HEATR5B: variants seen among roughly 807,000 people sequenced by gnomAD.
HEATR5B encodes the protein HEAT repeat-containing protein 5B.
HEATR5B carries 156 observed loss-of-function variants against 224.1 expected under a neutral mutation model. The ratio of observed to expected loss-of-function variants is 0.70; its 90% CI spans 0.61 to 0.80. The LOEUF (loss-of-function observed/expected upper bound fraction) is 0.80, where lower values mean the gene tolerates loss of function less well. Ranked by LOEUF, HEATR5B falls within the 30% of genes least tolerant of loss-of-function variation. The probability of loss-of-function intolerance (pLI) is 0.00; values close to 1 mark genes in which losing one functional copy is unlikely to be tolerated. For missense variants in HEATR5B, 2,323 were observed against 2,535.5 expected (o/e 0.92, Z 1.80); for synonymous variants, 1,027 against 893.0 (o/e 1.15, Z -2.68).
chr2:37,032,480 T>C (rs557064719), intron 22 of HEATR5B, 149 bp downstream of exon 22: 87 of 795,852 alleles, frequency 1.1e-4, no homozygotes, highest in African/African-American at 9.3e-4. Context: ...GAAAACCACA[T>C]TGGAATTTTA....
At chr2:37,048,186 T>C (rs144148317) in intron 18 of HEATR5B, among the ~76,000 whole-genome samples, 2 of 151,426 alleles carry the variant, frequency 1.3e-5, no homozygotes, top group African/African-American at 2.4e-5. Flanking sequence ...TGAGGACACA[T>C]TGTTTTTTTT....
intron 33 of HEATR5B, among the ~76,000 whole-genome samples, chr2:36,997,145 T>G (rs1666773904): frequency 6.6e-6 from 1 of 152,170 alleles, no homozygotes; most frequent in Non-Finnish European, 1.5e-5. Context: ...TCATCTACCA[T>G]TTAATGTAAG....
At chr2:36,998,587 G>A (rs1347773504) in intron 33 of HEATR5B, among the ~76,000 whole-genome samples, 3 of 152,146 alleles carry the variant, frequency 2.0e-5, no homozygotes, top group Non-Finnish European at 4.4e-5. Flanking sequence ...TTGTAAGGAT[G>A]TTAATTGCAG....
chr2:37,078,200 A>G (rs1230751606), intron 3 of HEATR5B, among the ~76,000 whole-genome samples: 1 of 152,232 alleles, frequency 6.6e-6, no homozygotes, highest in Non-Finnish European at 1.5e-5. Context: ...ATGTGATCTG[A>G]GCAATTTACA....
chr2:37,082,719 T>A (rs1672671186), intron 2 of HEATR5B, among the ~76,000 whole-genome samples: 2 of 152,252 alleles, frequency 1.3e-5, no homozygotes, highest in Non-Finnish European at 2.9e-5. Context: ...AGAAACAATG[T>A]TAATGGCTGG....
intron 26 of HEATR5B, among the ~76,000 whole-genome samples, chr2:37,016,716 G>A (rs1668140028): frequency 1.3e-5 from 2 of 152,148 alleles, no homozygotes; most frequent in Admixed American, 1.3e-4. Context: ...CACAGCATTT[G>A]GATTTCAAAT....
intron 24 of HEATR5B, among the ~76,000 whole-genome samples, chr2:37,025,408 T>C (rs935896953): frequency 5.3e-5 from 8 of 151,518 alleles, no homozygotes; most frequent in African/African-American, 1.9e-4. Flanking sequence ...AGAACGATTC[T>C]GAAGATTCAG....
chr2:37,054,192 G>GTTTTTTT, intron 16 of HEATR5B, among the ~76,000 whole-genome samples: 1 of 30,218 alleles, frequency 3.3e-5, no homozygotes, highest in Non-Finnish European at 6.8e-5. Context: ...TGATTTCTCT[G>GTTTTTTT]TTTTTTTTTT....
Position 37,054,190 on chromosome 2 carries a change from C to CTTTTTTTTTTTT in HEATR5B, c.2400-584_2400-583insAAAAAAAAAAAA, listed in dbSNP as rs1242821499. On this transcript the variant is annotated intron_variant, in intron 16 of 35. Transcript: ENST00000233099. ...TCCATGGCCATCTTAGATGATTTCT[C>CTTTTTTTTTTTT]TGTTTTTTTTTTTTTTTTTTTGAGA... Among the ~76,000 whole-genome samples the CTTTTTTTTTTTT allele has an allele frequency of 3.2e-5, 3 of 93,742 alleles. 1 individual carries two copies. Among genetic ancestry groups the CTTTTTTTTTTTT allele is most frequent in the African/African-American group, 9.2e-5 (2 of 21,696 alleles). 61.5% of individuals were successfully genotyped at this position (93,742 alleles called of 152,430 possible). A position where few individuals can be genotyped will look rare whatever the true frequency, so the allele number is the denominator to read the frequency against.
At chr2:37,063,499 T>C (rs1671408046) in intron 10 of HEATR5B, among the ~76,000 whole-genome samples, 2 of 152,092 alleles carry the variant, frequency 1.3e-5, no homozygotes, top group Admixed American at 6.5e-5. Flanking sequence ...TGGGCAAATG[T>C]AAAATATGAA....
chr2:37,064,912 C>A lies in HEATR5B; in HGVS notation c.1412G>T (p.Cys471Phe). 1.2e-6 allele frequency: 2 copies of A among 1,614,168 alleles called. No homozygotes were observed. The highest frequency in any genetic ancestry group is 1.7e-6 in the Non-Finnish European group (2 of 1,180,016). The change falls in exon 10 of 36, where the codon TGT becomes TTT. Residue 471 changes from cysteine to phenylalanine, a missense_variant. Cys to Phe is a radical substitution (Grantham distance 205). Coordinates refer to ENST00000233099, the MANE Select transcript of HEATR5B (RefSeq NM_019024.3). Reference sequence around the variant, plus strand: ...CTGGAAAGGTAATGCCACAGCCACACAGCGCAAACACCATGCAGCAGCAAG... The same window carrying A: ...CTGGAAAGGTAATGCCACAGCCACAAAGCGCAAACACCATGCAGCAGCAAG... ...ARLAAAWCLR[C>F]VAVALPFQLT...
intron 31 of HEATR5B, among the ~76,000 whole-genome samples, 188 bp from the exon 32 acceptor site, chr2:37,002,760 C>T (rs1337461470): frequency 1.3e-5 from 2 of 152,180 alleles, no homozygotes; most frequent in African/African-American, 4.8e-5. Context: ...AGGTAACAGA[C>T]AGTTCATTTT....
At chr2:37,012,539 C>T (rs1162560589) in intron 27 of HEATR5B, among the ~76,000 whole-genome samples, 1 of 152,168 alleles carries the variant, frequency 6.6e-6, no homozygotes, top group Admixed American at 6.5e-5. Context: ...TACAGGCATG[C>T]ACCACCATGC....
At chr2:36,983,775 ATAAAG>A (rs1468073449) in intron 35 of HEATR5B, among the ~76,000 whole-genome samples, 4 of 152,106 alleles carry the variant, frequency 2.6e-5, no homozygotes, top group Admixed American at 6.5e-5. Flanking sequence ...CATAATAAAA[ATAAAG>A]TAGAGAATTA....
intron 26 of HEATR5B, among the ~76,000 whole-genome samples, chr2:37,015,291 T>C (rs945935228): frequency 2.6e-5 from 4 of 152,232 alleles, no homozygotes; most frequent in Non-Finnish European, 5.9e-5. Context: ...ATTGTGAGTT[T>C]CCATGGCCTC....
At chr2:37,038,594 C>T (rs1002669709) in intron 20 of HEATR5B, among the ~76,000 whole-genome samples, 1 of 152,174 alleles carries the variant, frequency 6.6e-6, no homozygotes, top group African/African-American at 2.4e-5. Flanking sequence ...GTCTTCATAT[C>T]CCTGTGACAT....
chr2:37,041,473 G>A (rs1279712176), intron 18 of HEATR5B, among the ~76,000 whole-genome samples, 181 bp from the exon 19 acceptor site: 1 of 152,184 alleles, frequency 6.6e-6, no homozygotes, highest in African/African-American at 2.4e-5. Flanking sequence ...ACAGCTGGGT[G>A]TCATGGCTCA....
chr2:37,002,571 A>C lies in HEATR5B; in HGVS notation c.5052T>G (p.Asn1684Lys), dbSNP rs1478164736. Reference sequence around the variant, plus strand: ...AGGCCTCTTTTTCCATATCATCTTCATCTGAGGTAAAAGATAATTTGGTGA... The same window carrying C: ...AGGCCTCTTTTTCCATATCATCTTCCTCTGAGGTAAAAGATAATTTGGTGA... Reference protein sequence around the residue: ...DYLQEKRNTLNEDDMEKEACT... With the variant: ...DYLQEKRNTLKEDDMEKEACT... Residue 1684 changes from asparagine (N) to lysine (K), a missense_variant and splice_region_variant, in exon 32 of 36, where the codon AAT (asparagine) becomes AAG (lysine). Transcript: ENST00000233099. The C allele has an allele frequency of 1.2e-6, 2 of 1,611,252 alleles. No homozygotes were observed. Among genetic ancestry groups the C allele is most frequent in the African/African-American group, 2.7e-5 (2 of 74,798 alleles).
In HEATR5B at chr2:37,068,933, G is replaced by A. The variant is rs746049624; in HGVS notation, c.928-3C>T. On this transcript the variant is annotated splice_polypyrimidine_tract_variant and splice_region_variant and intron_variant, in intron 7 of 35. Transcript: ENST00000233099. Reference sequence around the variant, plus strand: ...GTTGTCACAAAAACAACATACGCCTGTAAAAAGAGGAAGGTACGACTTCAG... The same window carrying A: ...GTTGTCACAAAAACAACATACGCCTATAAAAAGAGGAAGGTACGACTTCAG... 15 of 1,607,132 alleles carry A rather than the reference G, an allele frequency of 9.3e-6. No individual in the cohort carries two copies. The highest frequency in any genetic ancestry group is 2.2e-5 in the South Asian group (2 of 90,620).
Sources: gnomAD v4.1 joint callset for allele counts (sites outside exome capture counted in the v4.1 genomes callset) on GRCh38, gnomAD v4.1.1 for gene constraint, MANE v1.5 for transcripts, NCBI Gene and HGNC (gene_info 2026-07-23, HGNC 2026-07-21) for gene names.